The following CTU1 variants were observed in gnomAD, a reference collection of about 807,000 sequenced individuals.
CTU1 encodes the protein cytosolic thiouridylase subunit 1, also known as cytoplasmic tRNA 2-thiolation protein 1.
CTU1 carries 15 observed loss-of-function variants against 12.9 expected under a neutral mutation model. That is an observed-to-expected ratio of 1.16 (90% CI 0.78 to 1.79). The LOEUF (loss-of-function observed/expected upper bound fraction) is 1.79, where lower values mean the gene tolerates loss of function less well. Ranked by LOEUF, CTU1 falls within the 40% of genes most tolerant of loss-of-function variation. The pLI is 0.00. For missense variants in CTU1, 553 were observed against 550.5 expected (o/e 1.00, Z -0.05); for synonymous variants, 295 against 275.6 (o/e 1.07, Z -0.70).
At chr19:51,103,498 T>C (rs1157755265) in intron 2 of CTU1, among the ~76,000 whole-genome samples, 3 of 145,504 alleles carry the variant, frequency 2.1e-5, no homozygotes, top group Admixed American at 1.4e-4. Flanking sequence ...GCCAGGAGAA[T>C]GGCGTGAATC....
rs764154413 is a variant in CTU1, at chr19:51,098,640, C to A, written c.1008G>T (p.Pro336=). 3 of 1,310,990 alleles carry A rather than the reference C, an allele frequency of 2.3e-6. No homozygotes were observed. Among genetic ancestry groups the A allele is most frequent in the East Asian group, 3.2e-5 (1 of 31,742 alleles). 81.2% of individuals were successfully genotyped at this position (1,310,990 alleles called of 1,614,324 possible). The change falls in exon 3 of 3, where the codon CCG becomes CCT. Residue 336 remains proline (P), a synonymous_variant. Coordinates refer to ENST00000421832, the MANE Select transcript of CTU1 (RefSeq NM_145232.4). This position sits in a 1 kb window ranked among gnomAD's most constrained non-coding sequence, Gnocchi z 4.3. The part of the protein sequence containing the change: ...EEATPGTPGD[P]ARPPASKAVP... Reference sequence around the variant, plus strand: ...CGGCCTTGGAGGCGGGGGGCCGGGCCGGATCCCCGGGCGTCCCCGGCGTCG... The same window carrying A: ...CGGCCTTGGAGGCGGGGGGCCGGGCAGGATCCCCGGGCGTCCCCGGCGTCG...
At chr19:51,101,915 G>GT (rs2091907885) in intron 2 of CTU1, among the ~76,000 whole-genome samples, 1 of 152,042 alleles carries the variant, frequency 6.6e-6, no homozygotes, top group Admixed American at 6.6e-5. Flanking sequence ...TGCAAGTCAG[G>GT]GATTTTTCTG....
rs74443808 is a variant in CTU1, at chr19:51,104,013, C to A, written c.508+49G>T. ...GGTCCCGCCTCCTCGCCTGTGCATTCGCCCCACTGCCTCGGAGAGTGCCGC... is the reference window on the plus strand; with the variant it reads ...GGTCCCGCCTCCTCGCCTGTGCATTAGCCCCACTGCCTCGGAGAGTGCCGC... On this transcript the variant is annotated intron_variant, in intron 2 of 2. Coordinates refer to ENST00000421832, the MANE Select transcript of CTU1 (RefSeq NM_145232.4). 1,733 of 1,398,092 alleles carry A rather than the reference C, an allele frequency of 1.2e-3. 12 individuals are homozygous for A. The African/African-American group carries it at 0.024, about 19-fold the overall frequency. 86.6% of individuals were successfully genotyped at this position (1,398,092 alleles called of 1,614,324 possible). A position where few individuals can be genotyped will look rare whatever the true frequency, so the allele number is the denominator to read the frequency against.
rs979073206 is a variant in CTU1 at position 51,104,559 on chromosome 19, G to A, written c.11C>T (p.Pro4Leu). Residue 4 changes from proline to leucine, a missense_variant, in exon 2 of 3, where the codon CCG (proline) becomes CTG (leucine). Coordinates refer to ENST00000421832, the MANE Select transcript of CTU1 (RefSeq NM_145232.4). Reference sequence around the variant, plus strand: ...TGCAGCATGGCAGGAGGCGCACGGCGGGGCGGGCATTGCGGGAGGGGTCGG... The same window carrying A: ...TGCAGCATGGCAGGAGGCGCACGGCAGGGCGGGCATTGCGGGAGGGGTCGG... MPA[P>L]PCASCHAARA... 5.6e-6 allele frequency: 7 copies of A among 1,252,716 alleles called. No individual in the cohort carries two copies. Among genetic ancestry groups the A allele is most frequent in the African/African-American group, 3.1e-5 (2 of 64,428 alleles). 77.6% of individuals were successfully genotyped at this position (1,252,716 alleles called of 1,614,324 possible). A position where few individuals can be genotyped will look rare whatever the true frequency, so the allele number is the denominator to read the frequency against.
At chr19:51,106,154 A>T (rs960820234) in intron 1 of CTU1, among the ~76,000 whole-genome samples, 1 of 152,198 alleles carries the variant, frequency 6.6e-6, no homozygotes, top group African/African-American at 2.4e-5. Flanking sequence ...ATGAGGCCCT[A>T]CATGTGTGGC....
intron 1 of CTU1, among the ~76,000 whole-genome samples, chr19:51,106,672 A>AT (rs56150506): frequency 0.011 from 1,458 of 136,196 alleles, 25 homozygotes; most frequent in African/African-American, 0.031. Context: ...TGCCTGGCTA[A>AT]TTTTTTTTTT....
At position 51,098,471 on chromosome 19, in the gene CTU1, G is replaced by A; in HGVS notation, c.*130C>T. The A allele has an allele frequency of 1.1e-6, 1 of 920,056 alleles. No individual in the cohort carries two copies. Among genetic ancestry groups the A allele is most frequent in the African/African-American group, 1.7e-5 (1 of 57,300 alleles). The allele number at this position is 920,056 out of a possible 1,614,324, so 57.0% of individuals were successfully genotyped here. ...GGGTCCCAGCTTCTTCAGGGTTTCA[G>A]GTGAATGGGCCCCCGTCTCCTTCCC... On this transcript the variant is annotated 3_prime_UTR_variant, in exon 3 of 3. Transcript: ENST00000421832. The surrounding 1 kb of genome is among the most constrained non-coding windows in gnomAD (Gnocchi z 4.3).
At chr19:51,101,081 A>G (rs949087019) in intron 2 of CTU1, among the ~76,000 whole-genome samples, 2 of 151,900 alleles carry the variant, frequency 1.3e-5, no homozygotes, top group African/African-American at 4.8e-5. Flanking sequence ...AGTAGCTGGG[A>G]CCACAGGTGT....
chr19:51,104,499 G>A lies in CTU1; in HGVS notation c.71C>T (p.Ala24Val). ...GGCGCAGAAGCAGGCACCGCACAGC[G>A]CTTGGCCCGAGAGCGGACGGCGGAG... ...AALRRPLSGQ[A>V]LCGACFCAAF... Residue 24 changes from alanine to valine, a missense_variant, in exon 2 of 3, where the codon GCG (alanine) becomes GTG (valine). This residue lies in a region of CTU1 where 500 missense variants were observed against 458.5 expected (regional missense o/e 1.09). Transcript: ENST00000421832. 2.3e-6 allele frequency: 3 copies of A among 1,297,062 alleles called. No individual in the cohort carries two copies. The highest frequency in any genetic ancestry group is 2.3e-5 in the South Asian group (1 of 42,750). The allele number at this position is 1,297,062 out of a possible 1,614,324, so 80.3% of individuals were successfully genotyped here. A position where few individuals can be genotyped will look rare whatever the true frequency, so the allele number is the denominator to read the frequency against.
Position 51,098,334 on chromosome 19 carries a change from G to C in CTU1, c.*267C>G, listed in dbSNP as rs1446737287. 4 of 260,114 alleles carry C rather than the reference G, an allele frequency of 1.5e-5. No homozygotes were observed. The highest frequency in any genetic ancestry group is 5.5e-5 in the Admixed American group (1 of 18,146). The allele number at this position is 260,114 out of a possible 1,614,324, so 16.1% of individuals were successfully genotyped here. ...GGGTCCCCAGTCCCACTTCTTCTAG[G>C]CTTAGTCCTGGCCCTCTCCTCTCTC... is the stretch of plus-strand genomic sequence containing the variant. On this transcript the variant is annotated 3_prime_UTR_variant, in exon 3 of 3. Transcript: ENST00000421832. The surrounding 1 kb of genome is among the most constrained non-coding windows in gnomAD (Gnocchi z 4.3).
In CTU1 at chr19:51,104,090, G is replaced by T. The variant is rs760963489; in HGVS notation, c.480C>A (p.Arg160=). ...TCACGATGTGCGTGGCTCCCACGCG[G>T]CGCGCCCCTTCCTCCAGCGCCCGGC... ...LRRRALEEGA[R]RVGATHIVTG... The change falls in exon 2 of 3, where the codon CGC becomes CGA. Residue 160 remains arginine, a synonymous_variant. Transcript: ENST00000421832. The T allele has an allele frequency of 6.8e-7, 1 of 1,470,578 alleles. No individual in the cohort carries two copies. Among genetic ancestry groups the T allele is most frequent in the Admixed American group, 2.7e-5 (1 of 37,024 alleles). The allele number at this position is 1,470,578 out of a possible 1,614,324, so 91.1% of individuals were successfully genotyped here.
intron 2 of CTU1, among the ~76,000 whole-genome samples, chr19:51,101,498 A>G (rs1045977723): frequency 5.3e-5 from 8 of 152,166 alleles, no homozygotes; most frequent in African/African-American, 1.9e-4. Context: ...TCTAGTGGGT[A>G]GAGGCCAGGG....
At chr19:51,101,692 G>A (rs561287573) in intron 2 of CTU1, among the ~76,000 whole-genome samples, 21 of 152,282 alleles carry the variant, frequency 1.4e-4, no homozygotes, top group African/African-American at 4.3e-4. Context: ...CTGTGACCTT[G>A]AGATTGGGCA....
At chr19:51,106,258 C>G (rs988290189) in intron 1 of CTU1, among the ~76,000 whole-genome samples, 1 of 152,198 alleles carries the variant, frequency 6.6e-6, no homozygotes. Context: ...CACTGGCTCT[C>G]CCCTCTGCCC....
chr19:51,104,414 C>T lies in CTU1; in HGVS notation c.156G>A (p.Ala52=). 1 of 1,220,700 alleles carries T rather than the reference C, an allele frequency of 8.2e-7. No homozygotes were observed. The highest frequency in any genetic ancestry group is 4.1e-5 in the East Asian group (1 of 24,580). The allele number at this position is 1,220,700 out of a possible 1,614,324, so 75.6% of individuals were successfully genotyped here. Residue 52 remains alanine (A), a synonymous_variant, in exon 2 of 3, where the codon GCG becomes GCA. Transcript: ENST00000421832. ...CGCCCGAGGCGCCCACGGCCACCAC[C>T]GCGCCGGGCGGCAGCAGGCGGCCGG... ...VLAGRLLPPG[A]VVAVGASGGK...
intron 1 of CTU1, among the ~76,000 whole-genome samples, chr19:51,107,445 T>C (rs1050018794): frequency 6.6e-6 from 1 of 152,010 alleles, no homozygotes; most frequent in Non-Finnish European, 1.5e-5. Context: ...GCGTGGGTGA[T>C]AGAGTGAGAC....
chr19:51,099,279 G>A (rs1456519695), intron 2 of CTU1, 140 bp from the exon 3 acceptor site: 4 of 682,008 alleles, frequency 5.9e-6, no homozygotes, highest in Admixed American at 7.2e-5. Flanking sequence ...GGCACAGTGG[G>A]GCCGCCAGGA....
intron 1 of CTU1, among the ~76,000 whole-genome samples, chr19:51,105,499 C>T (rs960979717): frequency 3.9e-5 from 6 of 152,196 alleles, no homozygotes; most frequent in Admixed American, 2.0e-4. Flanking sequence ...AGGCTCAGTT[C>T]TCCTCCCCAA....
rs2091910877 is a variant in CTU1 at position 51,103,024 on chromosome 19, T to C, written c.508+1038A>G. Among the ~76,000 whole-genome samples the C allele has an allele frequency of 3.9e-5, 6 of 152,212 alleles. No homozygotes were observed. The South Asian group carries it at 1.2e-3, about 31-fold the overall frequency. ...GGTAGGAACTTGTGCGTAACTGTAT[T>C]CTCAGCCCTAGCCTGACAATGATGA... On this transcript the variant is annotated intron_variant, in intron 2 of 2. Transcript: ENST00000421832.
Sources: allele counts gnomAD v4.1 joint callset (sites outside exome capture counted in the v4.1 genomes callset), GRCh38; gene constraint gnomAD v4.1.1; regional missense constraint gnomAD v4.1.1; non-coding constraint Gnocchi (gnomAD v3.1); transcripts MANE v1.5; gene names NCBI Gene and HGNC (gene_info 2026-07-23, HGNC 2026-07-21).